The following SYTL5 variants were observed in gnomAD, a reference collection of about 807,000 sequenced individuals.
SYTL5 encodes the protein synaptotagmin like 5.
Under a neutral mutation model 55.9 loss-of-function variants are expected in SYTL5, and 34 were observed. The observed-to-expected ratio is 0.61, with a 90% CI of 0.46 to 0.81. The LOEUF is 0.81. Among genes scored for constraint, SYTL5 ranks in the 30% least tolerant of loss-of-function variants. The pLI is 0.00. For synonymous variants in SYTL5, 221 were observed against 188.7 expected (o/e 1.17, Z -1.40); for missense variants, 637 against 546.7 (o/e 1.17, Z -1.65).
intron 3 of SYTL5, among the ~76,000 whole-genome samples, chrX:38,070,565 C>A (rs1936232296): frequency 9.0e-6 from 1 of 111,380 alleles, no homozygotes; most frequent in Non-Finnish European, 1.9e-5. Context: ...TTATGTGATT[C>A]AATCTGAACT....
chrX:37,991,247 ATG>A, the SYTL5 span: 3 of 1,161,603 alleles, frequency 2.6e-6, no homozygotes, highest in East Asian at 9.2e-5. Flanking sequence ...CAGGGCAAAA[ATG>A]TGTCACAGCT....
chrX:38,042,236 T>G (rs1354999030), intron 2 of SYTL5, among the ~76,000 whole-genome samples: 1 of 110,199 alleles, frequency 9.1e-6, no homozygotes, highest in Non-Finnish European at 1.9e-5. Flanking sequence ...CATATATAAG[T>G]GGAGAGAGTC....
chrX:38,107,783 T>C (rs1937255515), intron 11 of SYTL5, among the ~76,000 whole-genome samples: 2 of 112,114 alleles, frequency 1.8e-5, no homozygotes, highest in Non-Finnish European at 3.8e-5. Flanking sequence ...GGATTTTGAC[T>C]ACAGATTGGT....
At chrX:37,952,243 G>A in the SYTL5 span, among the ~76,000 whole-genome samples, 1 of 111,447 alleles carries the variant, frequency 9.0e-6, no homozygotes, top group Non-Finnish European at 1.9e-5. Context: ...TCTTCTTCAC[G>A]CTTCTGCTAC....
At chrX:37,948,094 G>A in the SYTL5 span, among the ~76,000 whole-genome samples, 2 of 111,103 alleles carry the variant, frequency 1.8e-5, no homozygotes, top group African/African-American at 6.5e-5. Flanking sequence ...TTCTACTCCA[G>A]GAGGCTTCAG....
In SYTL5 at chrX:38,110,476, A is replaced by C; in HGVS notation, c.1590A>C (p.Gln530His). The C allele has an allele frequency of 8.4e-7, 1 of 1,190,510 alleles. No homozygotes were observed. Among genetic ancestry groups the C allele is most frequent in the Non-Finnish European group, 1.1e-6 (1 of 883,986 alleles). Residue 530 changes from glutamine to histidine, a missense_variant, in exon 13 of 17, where the codon CAA (glutamine) becomes CAC (histidine). Coordinates refer to ENST00000297875, the MANE Select transcript of SYTL5 (RefSeq NM_138780.3). ...CAACTGATGAGTGGTTTGTGCTTCA[A>C]CCCAAGGTAGGAAATGCTCTCAGAT... is the stretch of plus-strand genomic sequence containing the variant. ...ENPTDEWFVL[Q>H]PKVEFAPDIG...
At chrX:37,965,531 G>A in the SYTL5 span, among the ~76,000 whole-genome samples, 1 of 111,302 alleles carries the variant, frequency 9.0e-6, no homozygotes, top group Non-Finnish European at 1.9e-5. Context: ...GATCTAACGT[G>A]ATCTATATTG....
chrX:38,038,251 G>A (rs7049937), intron 2 of SYTL5, among the ~76,000 whole-genome samples: 25,755 of 110,941 alleles, frequency 0.23, 5,311 homozygotes, highest in African/African-American at 0.66. Context: ...ACTGTCTCAG[G>A]AATTTATATA....
At chrX:38,028,639 A>C (rs754076921) in intron 1 of SYTL5, among the ~76,000 whole-genome samples, 1 of 111,955 alleles carries the variant, frequency 8.9e-6, no homozygotes, top group Non-Finnish European at 1.9e-5. Flanking sequence ...AGCTCAATCC[A>C]TGCAGTTAAC....
chrX:37,944,544 G>A, the SYTL5 span, among the ~76,000 whole-genome samples: 2 of 111,477 alleles, frequency 1.8e-5, no homozygotes, highest in Non-Finnish European at 3.8e-5. Flanking sequence ...GTGGAGATGA[G>A]TCCCCTGCAC....
intron 9 of SYTL5, among the ~76,000 whole-genome samples, chrX:38,101,346 G>T (rs1275908138): frequency 1.8e-5 from 2 of 110,769 alleles, no homozygotes; most frequent in African/African-American, 6.5e-5. Context: ...TTAATATGCT[G>T]TATCTTATAA....
At position 38,128,323 on chromosome X, in the gene SYTL5, A is replaced by T. The variant is rs1937716104; in HGVS notation, c.*1593A>T. 1 of 111,587 alleles carries T rather than the reference A, an allele frequency of 9.0e-6. No homozygotes were observed. The highest frequency in any genetic ancestry group is 1.9e-5 in the Non-Finnish European group (1 of 53,104). 9.2% of individuals were successfully genotyped at this position (111,587 alleles called of 1,213,427 possible). On this transcript the variant is annotated 3_prime_UTR_variant, in exon 17 of 17. Coordinates refer to ENST00000297875, the MANE Select transcript of SYTL5 (RefSeq NM_138780.3). ...TAGTCCTTGGCATAATGCTATGCTT[A>T]TTAGGTAGATAAAAGGGCTTATGTC...
intron 8 of SYTL5, 33 bp from the exon 9 acceptor site, chrX:38,096,101 C>T: frequency 1.2e-6 from 1 of 841,972 alleles, no homozygotes; most frequent in South Asian, 2.4e-5. Flanking sequence ...AACAGGCTGA[C>T]TCACGTCTTT....
At chrX:38,032,035 G>T (rs933369121) in intron 1 of SYTL5, among the ~76,000 whole-genome samples, 3 of 112,123 alleles carry the variant, frequency 2.7e-5, no homozygotes, top group East Asian at 5.6e-4. Flanking sequence ...ACACATAGGG[G>T]TTTGTGGAAG....
chrX:38,100,242 G>A (rs1314739876), intron 9 of SYTL5, among the ~76,000 whole-genome samples: 1 of 110,840 alleles, frequency 9.0e-6, no homozygotes, highest in Non-Finnish European at 1.9e-5. Flanking sequence ...CTCATCTTGT[G>A]GGCTCATCAG....
intron 13 of SYTL5, among the ~76,000 whole-genome samples, chrX:38,115,471 G>A (rs1421287565): frequency 4.3e-5 from 3 of 69,108 alleles, no homozygotes; most frequent in African/African-American, 2.0e-4. Flanking sequence ...GCGACAGAGC[G>A]AGACTCCGTC....
chrX:38,028,599 A>C (rs1326280656), intron 1 of SYTL5, among the ~76,000 whole-genome samples: 2 of 111,857 alleles, frequency 1.8e-5, no homozygotes, highest in Non-Finnish European at 3.8e-5. Flanking sequence ...TTTAAGCAAA[A>C]AGTCAAAAAG....
At chrX:37,965,329 G>T in the SYTL5 span, among the ~76,000 whole-genome samples, 1 of 111,355 alleles carries the variant, frequency 9.0e-6, no homozygotes, top group African/African-American at 3.3e-5. Context: ...TGGACATCAA[G>T]ATATTTTTAA....
At chrX:38,081,255 G>A (rs1234028940) in intron 6 of SYTL5, among the ~76,000 whole-genome samples, 2 of 111,627 alleles carry the variant, frequency 1.8e-5, no homozygotes, top group Non-Finnish European at 3.8e-5. Context: ...TGTAGCAAAT[G>A]CTAACAGCCT....
Sources: gnomAD v4.1 joint callset for allele counts (sites outside exome capture counted in the v4.1 genomes callset) on GRCh38, gnomAD v4.1.1 for gene constraint, MANE v1.5 for transcripts, NCBI Gene and HGNC (gene_info 2026-07-23, HGNC 2026-07-21) for gene names.